KRT86: variants seen among roughly 807,000 people sequenced by gnomAD.
The protein encoded by KRT86 is keratin 86.
Under a neutral mutation model 41.2 loss-of-function variants are expected in KRT86, and 30 were observed. The ratio of observed to expected loss-of-function variants is 0.73; its 90% CI spans 0.54 to 0.99. KRT86 has a LOEUF of 0.99. Ranked by LOEUF, KRT86 falls within the 50% of genes least tolerant of loss-of-function variation. The probability of loss-of-function intolerance (pLI) is 0.00; values close to 1 mark genes in which losing one functional copy is unlikely to be tolerated. For missense variants in KRT86, 561 were observed against 571.4 expected, an observed-to-expected ratio of 0.98 and a Z score of 0.19; for synonymous variants, 238 against 238.1, an observed-to-expected ratio of 1.00 and a Z score of 0.00.
chr12:52,300,898 C>T (rs1404092398), intron 2 of KRT86, among the ~76,000 whole-genome samples: 2 of 152,200 alleles, frequency 1.3e-5, no homozygotes, highest in African/African-American at 2.4e-5. Flanking sequence ...CAATCCTTGT[C>T]TAGGGCCTTG....
At chr12:52,286,631 C>T (rs1274009465) in intron 2 of KRT86, 2 of 1,191,836 alleles carry the variant, frequency 1.7e-6, no homozygotes. Flanking sequence ...TCCATCTAGT[C>T]CAAGAGCTGG....
In KRT86 at chr12:52,292,005, C is replaced by T. The variant is rs907152061; in HGVS notation, c.-4-9908C>T. Among the ~76,000 whole-genome samples the T allele has an allele frequency of 2.6e-5, 4 of 152,164 alleles. No individual in the cohort carries two copies. The South Asian group carries it at 8.3e-4, about 32-fold the overall frequency. ...CTGTGGCTAAAGTGCTCCTGAAACACAAATCTGGATTTCCCCATCTCCAGA... is the reference window on the plus strand; with the variant it reads ...CTGTGGCTAAAGTGCTCCTGAAACATAAATCTGGATTTCCCCATCTCCAGA... On this transcript the variant is annotated intron_variant, in intron 2 of 10. Transcript: ENST00000423955.
intron 2 of KRT86, among the ~76,000 whole-genome samples, chr12:52,298,382 A>T (rs1186549684): frequency 6.6e-6 from 1 of 152,250 alleles, no homozygotes; most frequent in Non-Finnish European, 1.5e-5. Context: ...TTGTCCATGC[A>T]TTATTTCATT....
rs1421264122 is a variant in KRT86 at position 52,287,851 on chromosome 12, C to G, written c.-5+11905C>G. ...ACACATGGCAGTCCTGCCCTGCCACCCCAACCTCAGATTGGCAGCCCTCTC... is the reference window on the plus strand; with the variant it reads ...ACACATGGCAGTCCTGCCCTGCCACGCCAACCTCAGATTGGCAGCCCTCTC... On this transcript the variant is annotated intron_variant, in intron 2 of 10. Coordinates refer to ENST00000423955, the MANE Select transcript of KRT86 (RefSeq NM_001320198.2). 16 of 1,601,282 alleles carry G rather than the reference C, an allele frequency of 1.0e-5. No individual in the cohort carries two copies. In the Admixed American group the frequency reaches 2.7e-4, roughly 27 times the overall value.
At position 52,302,206 on chromosome 12, in the gene KRT86, C is replaced by T. The variant is rs1184653740; in HGVS notation, c.290C>T (p.Pro97Leu). ...LLTPLNLEID[P>L]NAQCVKQEEK... ...ACGCCCCTCAACCTGGAGATCGACCCCAACGCGCAGTGCGTGAAGCAGGAG... is the reference window on the plus strand; with the variant it reads ...ACGCCCCTCAACCTGGAGATCGACCTCAACGCGCAGTGCGTGAAGCAGGAG... Residue 97 changes from proline (P) to leucine (L), a missense_variant, in exon 3 of 11, where the codon CCC becomes CTC. Pro to Leu is a moderately conservative substitution (Grantham distance 98, BLOSUM62 -3). Transcript: ENST00000423955. 8.1e-7 allele frequency: 1 copy of T among 1,239,110 alleles called. No homozygotes were observed. Among genetic ancestry groups the T allele is most frequent in the Non-Finnish European group, 1.1e-6 (1 of 898,224 alleles). The allele number at this position is 1,239,110 out of a possible 1,614,324, so 76.8% of individuals were successfully genotyped here. A position where few individuals can be genotyped will look rare whatever the true frequency, so the allele number is the denominator to read the frequency against.
At chr12:52,292,045 G>A (rs557324435) in intron 2 of KRT86, among the ~76,000 whole-genome samples, 6 of 152,172 alleles carry the variant, frequency 3.9e-5, no homozygotes, top group Non-Finnish European at 7.4e-5. Flanking sequence ...TCAGTTGGCA[G>A]CTGAAAACCA....
chr12:52,299,607 A>G (rs527886003), intron 2 of KRT86, among the ~76,000 whole-genome samples: 2 of 152,312 alleles, frequency 1.3e-5, no homozygotes, highest in South Asian at 4.1e-4. Context: ...GCCAGCATCC[A>G]TAATTTTTTT....
intron 2 of KRT86, chr12:52,287,465 C>T (rs1459610380): frequency 6.3e-7 from 1 of 1,583,724 alleles, no homozygotes; most frequent in Non-Finnish European, 8.6e-7. Context: ...CATTGAGAGA[C>T]CACGACCAGG....
chr12:52,307,028 T>C (rs1003004549), intron 9 of KRT86: 1 of 152,370 alleles, frequency 6.6e-6, no homozygotes, highest in Non-Finnish European at 1.5e-5. Context: ...AGTTGGTCAG[T>C]TGGTCTCACT....
At position 52,305,355 on chromosome 12, in the gene KRT86, A is replaced by T; in HGVS notation, c.851A>T (p.Asp284Val). Reference sequence around the variant, plus strand: ...GCCGAGATCAAGGCACAGTACGATGACATTGTCACCCGTAGCCGGGCTGAG... The same window carrying T: ...GCCGAGATCAAGGCACAGTACGATGTCATTGTCACCCGTAGCCGGGCTGAG... ...IIAEIKAQYD[D>V]IVTRSRAEAE... Residue 284 changes from aspartate (D) to valine (V), a missense_variant, in exon 7 of 11, where the codon GAC (aspartate) becomes GTC (valine). Coordinates refer to ENST00000423955, the MANE Select transcript of KRT86 (RefSeq NM_001320198.2). 6 of 1,614,270 alleles carry T rather than the reference A, an allele frequency of 3.7e-6. 1 individual carries two copies. In the South Asian group the frequency reaches 6.6e-5, roughly 18 times the overall value.
chr12:52,305,582 C>G lies in KRT86; in HGVS notation c.901-81C>G, dbSNP rs1938491349. On this transcript the variant is annotated intron_variant, in intron 7 of 10. Coordinates refer to ENST00000423955, the MANE Select transcript of KRT86 (RefSeq NM_001320198.2). ...GTGGTTGCACAGGCTGAGCACTGCA[C>G]AACCTGCAAAATCATCTGTCATGCC... 1.6e-5 allele frequency: 26 copies of G among 1,611,602 alleles called. 1 individual carries two copies. The South Asian group carries it at 2.8e-4, about 17-fold the overall frequency.
chr12:52,292,832 T>C (rs1051293527), intron 2 of KRT86, among the ~76,000 whole-genome samples: 1 of 152,178 alleles, frequency 6.6e-6, no homozygotes, highest in Non-Finnish European at 1.5e-5. Context: ...AAATGTCAGA[T>C]TGGTGATGCT....
chr12:52,304,984 C>A lies in KRT86; in HGVS notation c.692C>A (p.Ala231Asp), dbSNP rs762539212. Residue 231 changes from alanine (A) to aspartate (D), a missense_variant, in exon 6 of 11, where the codon GCC (alanine) becomes GAC (aspartate). Transcript: ENST00000423955. ...RKSDLEANVE[A>D]LIQEIDFLRR... ...TCAGACCTGGAGGCCAATGTGGAGG[C>A]CCTGATCCAGGAGATCGACTTCCTG... The A allele has an allele frequency of 6.2e-7, 1 of 1,614,008 alleles. No individual in the cohort carries two copies. The highest frequency in any genetic ancestry group is 2.2e-5 in the East Asian group (1 of 44,882).
At position 52,275,820 on chromosome 12, in the gene KRT86, G is replaced by C; in HGVS notation, c.-130-1G>C. On this transcript the variant is annotated splice_acceptor_variant, in intron 1 of 10. Transcript: ENST00000423955. LOFTEE classifies it low-confidence loss of function (5UTR_SPLICE). ...GCTCCCCTCTGCCGTCTGCTCCACA[G>C]TGTGAGGAATTAAAGGCAACTGTGC... 1 of 985,924 alleles carries C rather than the reference G, an allele frequency of 1.0e-6. No homozygotes were observed. Among genetic ancestry groups the C allele is most frequent in the Non-Finnish European group, 1.2e-6 (1 of 829,944 alleles). 61.1% of individuals were successfully genotyped at this position (985,924 alleles called of 1,614,324 possible).
chr12:52,299,952 A>T (rs1938335414), intron 2 of KRT86, among the ~76,000 whole-genome samples: 1 of 152,146 alleles, frequency 6.6e-6, no homozygotes, highest in Non-Finnish European at 1.5e-5. Context: ...GCTCGATGTG[A>T]TCCCATTTGC....
At chr12:52,293,902 A>ACTTAG (rs2121265762) in intron 2 of KRT86, among the ~76,000 whole-genome samples, 1 of 152,254 alleles carries the variant, frequency 6.6e-6, no homozygotes, top group South Asian at 2.1e-4. Context: ...GGCAGAGTAG[A>ACTTAG]CTTAGGGAAT....
chr12:52,287,098 C>A, intron 2 of KRT86: 1 of 1,612,846 alleles, frequency 6.2e-7, no homozygotes, highest in East Asian at 2.2e-5. Flanking sequence ...TTGGTTGGAC[C>A]CACCTCTGCT....
Position 52,302,000 on chromosome 12 carries a change from C to T in KRT86, c.84C>T (p.Thr28=), listed in dbSNP as rs781406879. The T allele has an allele frequency of 2.9e-5, 46 of 1,612,504 alleles. No individual in the cohort carries two copies. The highest frequency in any genetic ancestry group is 8.0e-5 in the African/African-American group (6 of 74,892). The stretch of plus-strand genomic sequence containing the variant: ...CCCGGCCCGGCCGCTGCTGCATCAC[C>T]GCCGCCCCCTACCGTGGCATCTCCT... The part of the protein sequence containing the change: ...CGPRPGRCCI[T]AAPYRGISCY... Residue 28 remains threonine, a synonymous_variant, in exon 3 of 11, where the codon ACC becomes ACT. Coordinates refer to ENST00000423955, the MANE Select transcript of KRT86 (RefSeq NM_001320198.2).
At chr12:52,296,216 TGAG>T (rs1938245833) in intron 2 of KRT86, among the ~76,000 whole-genome samples, 1 of 151,404 alleles carries the variant, frequency 6.6e-6, no homozygotes, top group Non-Finnish European at 1.5e-5. Flanking sequence ...GAGAAGAAAA[TGAG>T]GGAGAGATCT....
Sources: gnomAD v4.1 joint callset for allele counts (sites outside exome capture counted in the v4.1 genomes callset) on GRCh38, gnomAD v4.1.1 for gene constraint, MANE v1.5 for transcripts, NCBI Gene and HGNC (gene_info 2026-07-23, HGNC 2026-07-21) for gene names.